SHANK2: variants seen among roughly 807,000 people sequenced by gnomAD.
The protein encoded by SHANK2 is SH3 and multiple ankyrin repeat domains protein 2.
A neutral mutation model predicts 133.7 loss-of-function variants in SHANK2; 43 were observed. The observed-to-expected ratio is 0.32, with a 90% CI of 0.25 to 0.41. The LOEUF (loss-of-function observed/expected upper bound fraction) is 0.41. SHANK2 is among the 10% of genes least tolerant of loss of function. The probability of loss-of-function intolerance (pLI) is 1.00; values close to 1 mark genes in which losing one functional copy is unlikely to be tolerated. For synonymous variants in SHANK2, 1,017 were observed against 952.8 expected (o/e 1.07, Z -1.24); for missense variants, 1,994 against 2,235.8 (o/e 0.89, Z 2.18).
At chr11:70,744,989 C>T (rs140761508) in intron 14 of SHANK2, among the ~76,000 whole-genome samples, 41 of 152,298 alleles carry the variant, frequency 2.7e-4, no homozygotes, top group African/African-American at 9.1e-4. Flanking sequence ...ACAGACACCA[C>T]GGGGGACACC....
At chr11:70,551,882 G>C (rs574151990) in intron 17 of SHANK2, among the ~76,000 whole-genome samples, 1 of 152,166 alleles carries the variant, frequency 6.6e-6, no homozygotes, top group Non-Finnish European at 1.5e-5. Context: ...GGACCCTGCC[G>C]TATGGCCTTG....
chr11:70,689,703 C>G (rs990625308), intron 15 of SHANK2, among the ~76,000 whole-genome samples: 2 of 152,200 alleles, frequency 1.3e-5, no homozygotes, highest in East Asian at 3.8e-4. Flanking sequence ...GACACCTGAA[C>G]TTCCAGGCCT....
Position 70,882,189 on chromosome 11 carries a change from G to C in SHANK2, c.1174+14312C>G, listed in dbSNP as rs966863522. 6.6e-6 allele frequency among the ~76,000 whole-genome samples: 1 copy of C among 152,166 alleles called. No individual in the cohort carries two copies. The highest frequency in any genetic ancestry group is 1.5e-5 in the Non-Finnish European group (1 of 68,024). ...GGAGGAGGAGGAGGAGGGAGGGAGT[G>C]GGGAAAGGGAAGGAATGAGCAAGGG... On this transcript the variant is annotated intron_variant, in intron 11 of 25. Coordinates refer to ENST00000601538, the MANE Select transcript of SHANK2 (RefSeq NM_012309.5). This position sits in a 1 kb window ranked among gnomAD's most constrained non-coding sequence, Gnocchi z 4.2.
Position 70,923,319 on chromosome 11 carries a change from C to T in SHANK2, c.1108-26752G>A, listed in dbSNP as rs540200638. Among the ~76,000 whole-genome samples, 49 of 152,156 alleles carry T rather than the reference C, an allele frequency of 3.2e-4. 2 individuals carry two copies. The highest frequency in any genetic ancestry group is 2.5e-3 in the Admixed American group (39 of 15,302). On this transcript the variant is annotated intron_variant, in intron 10 of 25. Coordinates refer to ENST00000601538, the MANE Select transcript of SHANK2 (RefSeq NM_012309.5). ...ATGTAGTGGTGTGATCTTGGCTCAC[C>T]GCAACCTCCGCCTCCTGGGTTCCAG...
chr11:70,813,638 G>A (rs71469404), intron 12 of SHANK2, among the ~76,000 whole-genome samples: 4 of 152,100 alleles, frequency 2.6e-5, no homozygotes, highest in Non-Finnish European at 4.4e-5. Context: ...TGTCAGCTCA[G>A]GTCTCTGGCA....
chr11:70,859,907 C>T (rs911946441), intron 11 of SHANK2, among the ~76,000 whole-genome samples: 2 of 152,180 alleles, frequency 1.3e-5, no homozygotes, highest in African/African-American at 2.4e-5. Flanking sequence ...GAAACCATGA[C>T]CCGGGGTCCA....
chr11:70,710,474 G>A (rs1945759794), intron 14 of SHANK2, among the ~76,000 whole-genome samples: 1 of 152,208 alleles, frequency 6.6e-6, no homozygotes, highest in South Asian at 2.1e-4. Context: ...GGCCGGCGAG[G>A]GAGGCAGAAC....
chr11:71,241,131 G>A (rs1954883867), intron 1 of SHANK2, among the ~76,000 whole-genome samples: 1 of 152,160 alleles, frequency 6.6e-6, no homozygotes, highest in Non-Finnish European at 1.5e-5. Flanking sequence ...GAAAGCCCCG[G>A]GCTAGGCAAC....
chr11:70,911,364 C>CA (rs1565400950), intron 10 of SHANK2, among the ~76,000 whole-genome samples: 2 of 148,664 alleles, frequency 1.3e-5, no homozygotes, highest in South Asian at 2.1e-4. Flanking sequence ...TCAAAAAAAA[C>CA]AAAAAAACAA....
chr11:71,216,481 AG>A (rs1954416850), intron 2 of SHANK2, among the ~76,000 whole-genome samples: 1 of 152,196 alleles, frequency 6.6e-6, no homozygotes. Flanking sequence ...AGAGGGATTC[AG>A]GAGGAGGGAG....
At chr11:70,663,929 T>G (rs1469997208) in intron 15 of SHANK2, among the ~76,000 whole-genome samples, 1 of 152,088 alleles carries the variant, frequency 6.6e-6, no homozygotes, top group Non-Finnish European at 1.5e-5. Flanking sequence ...CAAGAGTGGG[T>G]AAGAACAAAC....
chr11:71,109,020 G>T (rs1283680052), intron 6 of SHANK2, among the ~76,000 whole-genome samples: 1 of 152,194 alleles, frequency 6.6e-6, no homozygotes, highest in Non-Finnish European at 1.5e-5. Flanking sequence ...CACATTTGTT[G>T]TGTATTTTAT....
At chr11:70,936,848 G>GT (rs1555083523) in intron 10 of SHANK2, among the ~76,000 whole-genome samples, 3 of 152,104 alleles carry the variant, frequency 2.0e-5, no homozygotes, top group Non-Finnish European at 4.4e-5. Context: ...TCCAATGAAG[G>GT]GTAACGCACA....
chr11:70,871,099 A>C (rs553952958), intron 11 of SHANK2, among the ~76,000 whole-genome samples: 4 of 152,194 alleles, frequency 2.6e-5, no homozygotes, highest in Non-Finnish European at 5.9e-5. Flanking sequence ...TTTTATAAGA[A>C]TATCAGTCCT....
intron 9 of SHANK2, among the ~76,000 whole-genome samples, chr11:71,061,975 T>TC (rs1178098702): frequency 1.4e-5 from 2 of 145,962 alleles, no homozygotes; most frequent in Non-Finnish European, 3.0e-5. Context: ...TTCTTTCTTT[T>TC]TTTTTTTTTT....
At chr11:71,236,835 C>T (rs1469548819) in intron 1 of SHANK2, among the ~76,000 whole-genome samples, 11 of 152,202 alleles carry the variant, frequency 7.2e-5, no homozygotes, top group Non-Finnish European at 1.3e-4. Flanking sequence ...CTTACTTTAG[C>T]TTGGGTGACA....
At chr11:70,723,299 G>GTCTCTC (rs57815500) in intron 14 of SHANK2, among the ~76,000 whole-genome samples, 9,642 of 145,714 alleles carry the variant, frequency 0.066, 494 homozygotes, top group African/African-American at 0.13. Context: ...TGGAGGGTCT[G>GTCTCTC]TCTCTCTCTC....
intron 14 of SHANK2, among the ~76,000 whole-genome samples, chr11:70,721,904 G>A (rs1397180084): frequency 2.0e-5 from 3 of 152,244 alleles, no homozygotes; most frequent in Non-Finnish European, 2.9e-5. Flanking sequence ...AATGTCCTTT[G>A]TTTAGCTGAG....
chr11:70,614,288 T>C (rs1399023326), intron 17 of SHANK2, among the ~76,000 whole-genome samples: 1 of 150,992 alleles, frequency 6.6e-6, no homozygotes, highest in Non-Finnish European at 1.5e-5. Flanking sequence ...AAAAGTTTGC[T>C]GTTTTAAGCC....
Sources: gnomAD v4.1 joint callset for allele counts (sites outside exome capture counted in the v4.1 genomes callset) on GRCh38, gnomAD v4.1.1 for gene constraint, Gnocchi (gnomAD v3.1) non-coding constraint, MANE v1.5 for transcripts, NCBI Gene and HGNC (gene_info 2026-07-23, HGNC 2026-07-21) for gene names.